Variants in PRKCE observed in about 807,000 individuals in gnomAD.
PRKCE encodes the protein protein kinase C epsilon.
In PRKCE, 16 loss-of-function variants were observed where a neutral mutation model predicts 85.4. That is an observed-to-expected ratio of 0.19 (90% CI 0.13 to 0.28). The LOEUF (loss-of-function observed/expected upper bound fraction) is 0.28. PRKCE is among the 10% of genes least tolerant of loss of function. The pLI, the probability that PRKCE is intolerant of heterozygous loss-of-function variation, is 1.00. For synonymous variants in PRKCE, 388 were observed against 371.5 expected (o/e 1.04, Z -0.51); for missense variants, 573 against 975.2 (o/e 0.59, Z 5.49).
intron 2 of PRKCE, among the ~76,000 whole-genome samples, chr2:45,975,343 G>T (rs1247964978): frequency 6.6e-6 from 1 of 152,160 alleles, no homozygotes; most frequent in Non-Finnish European, 1.5e-5. Flanking sequence ...ACCAAAGACT[G>T]GGTGTCTTAA....
chr2:45,720,077 A>ATTCC (rs1680486193), intron 1 of PRKCE, among the ~76,000 whole-genome samples: 1 of 152,154 alleles, frequency 6.6e-6, no homozygotes, highest in African/African-American at 2.4e-5. Flanking sequence ...CAGAAACAGC[A>ATTCC]TTCCTTGGCT....
chr2:45,939,478 A>G (rs1425769313), intron 2 of PRKCE, among the ~76,000 whole-genome samples: 1 of 152,044 alleles, frequency 6.6e-6, no homozygotes, highest in African/African-American at 2.4e-5. Flanking sequence ...GGTTACTAAG[A>G]CTTTCAAAGA....
chr2:45,758,123 G>A (rs1405893750), intron 1 of PRKCE, among the ~76,000 whole-genome samples: 1 of 152,182 alleles, frequency 6.6e-6, no homozygotes, highest in South Asian at 2.1e-4. Context: ...AGCTAGATGG[G>A]CTGAGACAGA....
At chr2:45,804,203 C>T (rs148709924) in intron 1 of PRKCE, among the ~76,000 whole-genome samples, 21 of 152,248 alleles carry the variant, frequency 1.4e-4, no homozygotes, top group South Asian at 8.3e-4. Context: ...CCCAATGCTG[C>T]GTAGCCAAAG....
At chr2:45,832,769 T>C (rs996354926) in intron 1 of PRKCE, among the ~76,000 whole-genome samples, 1 of 152,186 alleles carries the variant, frequency 6.6e-6, no homozygotes, top group Non-Finnish European at 1.5e-5. Context: ...AGAACCCGGC[T>C]TTAACGCACA....
At chr2:45,797,138 G>A (rs1032012074) in intron 1 of PRKCE, among the ~76,000 whole-genome samples, 5 of 152,152 alleles carry the variant, frequency 3.3e-5, no homozygotes, top group African/African-American at 4.8e-5. Context: ...GCCTGTGACC[G>A]CCTGTATGTA....
intron 2 of PRKCE, among the ~76,000 whole-genome samples, chr2:45,868,980 AG>A (rs1693858569): frequency 6.6e-6 from 1 of 151,404 alleles, no homozygotes; most frequent in Admixed American, 6.6e-5. Flanking sequence ...AAAAGAAAAA[AG>A]AAAGAAAACG....
At chr2:46,128,408 A>G (rs1487216748) in intron 11 of PRKCE, among the ~76,000 whole-genome samples, 1 of 152,240 alleles carries the variant, frequency 6.6e-6, no homozygotes, top group African/African-American at 2.4e-5. Context: ...AACCCTTTCC[A>G]TATTACCTCA....
intron 1 of PRKCE, among the ~76,000 whole-genome samples, chr2:45,655,994 G>T (rs968761514): frequency 6.6e-6 from 1 of 152,008 alleles, no homozygotes; most frequent in Non-Finnish European, 1.5e-5. Flanking sequence ...CATGGCCACC[G>T]CAGGAATAAA....
intron 11 of PRKCE, among the ~76,000 whole-genome samples, chr2:46,105,970 GT>G (rs1324143418): frequency 6.6e-6 from 1 of 152,116 alleles, no homozygotes; most frequent in Non-Finnish European, 1.5e-5. Flanking sequence ...ATTTATGTAT[GT>G]TTTATAGTAG....
At chr2:45,916,681 T>C (rs1157700510) in intron 2 of PRKCE, among the ~76,000 whole-genome samples, 2 of 152,216 alleles carry the variant, frequency 1.3e-5, no homozygotes, top group African/African-American at 4.8e-5. Context: ...ACAGTACATT[T>C]AAAAGAGCAT....
chr2:45,829,035 TTC>T (rs932199093), intron 1 of PRKCE, among the ~76,000 whole-genome samples: 1 of 152,164 alleles, frequency 6.6e-6, no homozygotes, highest in Admixed American at 6.5e-5. Flanking sequence ...AGTTTTTTTT[TTC>T]ATGATGGCAT....
At chr2:46,043,459 A>G (rs893312774) in intron 10 of PRKCE, among the ~76,000 whole-genome samples, 3 of 152,220 alleles carry the variant, frequency 2.0e-5, no homozygotes, top group African/African-American at 7.2e-5. Flanking sequence ...TCTTTTTAAT[A>G]TATTATGTTA....
chr2:46,014,276 A>T (rs2104824368), intron 10 of PRKCE, among the ~76,000 whole-genome samples: 1 of 152,318 alleles, frequency 6.6e-6, no homozygotes, highest in South Asian at 2.1e-4. Flanking sequence ...GATTTAATTT[A>T]CTGTCAAAAT....
intron 2 of PRKCE, among the ~76,000 whole-genome samples, chr2:45,859,004 G>T (rs1400637205): frequency 2.0e-5 from 3 of 151,386 alleles, no homozygotes; most frequent in African/African-American, 7.3e-5. Flanking sequence ...TCAGGGCGTT[G>T]TATTCCAGCC....
In PRKCE at chr2:45,694,139, A is replaced by G. The variant is rs147747956; in HGVS notation, c.348+41691A>G. Among the ~76,000 whole-genome samples the G allele has an allele frequency of 2.7e-4, 41 of 151,062 alleles. 2 individuals are homozygous for G. The East Asian group carries it at 4.7e-3, about 17-fold the overall frequency. On this transcript the variant is annotated intron_variant, in intron 1 of 14. Coordinates refer to ENST00000306156, the MANE Select transcript of PRKCE (RefSeq NM_005400.3). ...CACCTCAGCTCCAAGAGCTTCCCAT[A>G]GCTTCTTGTGGCCATTTCCAGAACT...
intron 1 of PRKCE, among the ~76,000 whole-genome samples, chr2:45,773,093 C>T (rs1423243845): frequency 6.6e-6 from 1 of 152,182 alleles, no homozygotes; most frequent in Non-Finnish European, 1.5e-5. Flanking sequence ...GCACTGGCTG[C>T]ATAGCCCCTC....
chr2:45,848,827 C>A (rs1296573089), intron 2 of PRKCE, among the ~76,000 whole-genome samples: 1 of 152,164 alleles, frequency 6.6e-6, no homozygotes, highest in Non-Finnish European at 1.5e-5. Context: ...TTAGGTGTTA[C>A]CAAGAGTTCT....
intron 1 of PRKCE, among the ~76,000 whole-genome samples, chr2:45,804,649 G>A (rs970759774): frequency 6.6e-6 from 1 of 152,190 alleles, no homozygotes; most frequent in Admixed American, 6.5e-5. Flanking sequence ...ACTTCATGGG[G>A]AAGGAACATG....
Sources: allele counts gnomAD v4.1 joint callset (sites outside exome capture counted in the v4.1 genomes callset), GRCh38; gene constraint gnomAD v4.1.1; transcripts MANE v1.5; gene names NCBI Gene and HGNC (gene_info 2026-07-23, HGNC 2026-07-21).